AUTS2: variants seen among roughly 807,000 people sequenced by gnomAD.
AUTS2 encodes autism susceptibility gene 2 protein.
In AUTS2, 17 loss-of-function variants were observed where a neutral mutation model predicts 112.4. The ratio of observed to expected loss-of-function variants is 0.15; its 90% CI spans 0.10 to 0.23. The LOEUF is 0.23. Ranked by LOEUF, AUTS2 falls within the 10% of genes least tolerant of loss-of-function variation. The pLI is 1.00. For synonymous variants in AUTS2, 751 were observed against 702.7 expected (o/e 1.07, Z -1.09); for missense variants, 1,510 against 1,701.6 (o/e 0.89, Z 1.98).
intron 1 of AUTS2, among the ~76,000 whole-genome samples, chr7:69,861,160 T>C (rs1377741386): frequency 6.6e-6 from 1 of 152,120 alleles, no homozygotes; most frequent in Non-Finnish European, 1.5e-5. Flanking sequence ...TTCTCTTTGA[T>C]TTGTAGGAGG....
chr7:70,629,870 T>C (rs1805167176), intron 5 of AUTS2, among the ~76,000 whole-genome samples: 1 of 152,228 alleles, frequency 6.6e-6, no homozygotes, highest in South Asian at 2.1e-4. Flanking sequence ...CTTGATATAT[T>C]TGCCTATTGG....
At chr7:70,446,391 C>T (rs1444226111) in intron 5 of AUTS2, among the ~76,000 whole-genome samples, 1 of 152,212 alleles carries the variant, frequency 6.6e-6, no homozygotes, top group African/African-American at 2.4e-5. Flanking sequence ...TGTCCTTTAT[C>T]ATCTGTGTCA....
In AUTS2 at chr7:70,790,828, G is replaced by A. The variant is rs2129561774; in HGVS notation, c.3612G>A (p.Gln1204=). 1 of 1,607,284 alleles carries A rather than the reference G, an allele frequency of 6.2e-7. No individual in the cohort carries two copies. The highest frequency in any genetic ancestry group is 8.5e-7 in the Non-Finnish European group (1 of 1,176,288). The part of the protein sequence containing the change: ...YPRISPTAGN[Q]NGLLNKTPPT... ...GCATCAGCCCCACCGCGGGCAACCA[G>A]AACGGACTCCTCAACAAGACCCCTC... The change falls in exon 19 of 19, where the codon CAG becomes CAA. Residue 1204 remains glutamine, a synonymous_variant. Transcript: ENST00000342771. This position sits in a 1 kb window ranked among gnomAD's most constrained non-coding sequence, Gnocchi z 7.6.
intron 5 of AUTS2, among the ~76,000 whole-genome samples, chr7:70,484,385 G>A: frequency 6.6e-6 from 1 of 152,152 alleles, no homozygotes; most frequent in East Asian, 1.9e-4. Flanking sequence ...ATCATGTTTT[G>A]TGGTCAGAGT....
At position 69,848,724 on chromosome 7, in the gene AUTS2, C is replaced by T. The variant is rs190684745; in HGVS notation, c.310-50562C>T. On this transcript the variant is annotated intron_variant, in intron 1 of 18. Coordinates refer to ENST00000342771, the MANE Select transcript of AUTS2 (RefSeq NM_015570.4). The stretch of plus-strand genomic sequence containing the variant: ...TCTGTGAAATACAAGTCCCATTTCC[C>T]GCTTTCTCCTTTTTTTCTTAAGACT... Among the ~76,000 whole-genome samples the T allele has an allele frequency of 6.0e-4, 92 of 152,274 alleles. 1 individual carries two copies. The highest frequency in any genetic ancestry group is 5.2e-3 in the Admixed American group (80 of 15,306).
chr7:70,639,396 G>C (rs1805690898), intron 5 of AUTS2, among the ~76,000 whole-genome samples: 2 of 151,768 alleles, frequency 1.3e-5, no homozygotes, highest in Admixed American at 1.3e-4. Context: ...GAAACAGGGA[G>C]CTTGGGCCCA....
At chr7:69,855,897 G>T (rs961787379) in intron 1 of AUTS2, among the ~76,000 whole-genome samples, 3 of 152,154 alleles carry the variant, frequency 2.0e-5, no homozygotes, top group African/African-American at 7.2e-5. Flanking sequence ...GGGCCTCAGG[G>T]ATGGTGGGTG....
rs184768209 is a variant in AUTS2 at position 70,130,396 on chromosome 7, G to T, written c.625-4140G>T. Among the ~76,000 whole-genome samples the T allele has an allele frequency of 3.9e-5, 6 of 152,260 alleles. No individual in the cohort carries two copies. In the East Asian group the frequency reaches 1.2e-3, roughly 29 times the overall value. ...GAAATGTTAACTTCATGAGTTTAATGAGTAGCTTCGATGATAGCTTAGTGA... is the reference window on the plus strand; with the variant it reads ...GAAATGTTAACTTCATGAGTTTAATTAGTAGCTTCGATGATAGCTTAGTGA... On this transcript the variant is annotated intron_variant, in intron 3 of 18. Transcript: ENST00000342771.
At chr7:70,421,107 T>C (rs1005455787) in intron 4 of AUTS2, among the ~76,000 whole-genome samples, 2 of 152,162 alleles carry the variant, frequency 1.3e-5, no homozygotes, top group African/African-American at 2.4e-5. Flanking sequence ...TTTAGAAGAC[T>C]GAAAGATGCC....
At chr7:70,671,733 G>A (rs1038853938) in intron 5 of AUTS2, among the ~76,000 whole-genome samples, 3 of 152,212 alleles carry the variant, frequency 2.0e-5, no homozygotes, top group Non-Finnish European at 2.9e-5. Flanking sequence ...GTGTCAGTGA[G>A]GCAGGGAAGA....
intron 1 of AUTS2, among the ~76,000 whole-genome samples, chr7:69,716,796 T>C (rs2129208919): frequency 6.6e-6 from 1 of 152,234 alleles, no homozygotes; most frequent in Middle Eastern, 3.4e-3. Flanking sequence ...GTTTGATTAA[T>C]TTGCTGGAGT....
intron 2 of AUTS2, among the ~76,000 whole-genome samples, chr7:70,005,132 AT>A (rs112524812): frequency 1.1e-4 from 17 of 149,746 alleles, no homozygotes; most frequent in South Asian, 2.1e-4. Context: ...ACTTTGAAAT[AT>A]TTTTTTTTTA....
intron 1 of AUTS2, among the ~76,000 whole-genome samples, chr7:69,823,525 T>A (rs1791096310): frequency 6.6e-6 from 1 of 152,222 alleles, no homozygotes; most frequent in Non-Finnish European, 1.5e-5. Flanking sequence ...CATTGGTAGA[T>A]CACCCCTGCT....
In AUTS2 at chr7:70,676,438, TAAAG is replaced by T. The variant is rs545402872; in HGVS notation, c.691-22129_691-22126del. 1.2e-3 allele frequency among the ~76,000 whole-genome samples: 174 copies of T among 147,744 alleles called. 3 individuals carry two copies. The highest frequency in any genetic ancestry group is 3.9e-3 in the African/African-American group (152 of 39,174). ...CAGAGCCAGACCCTGTCTCAAAAAA[TAAAG>T]AGAGAGAGAGAGAGAGAAAAGATGT... On this transcript the variant is annotated intron_variant, in intron 5 of 18. Transcript: ENST00000342771.
intron 5 of AUTS2, among the ~76,000 whole-genome samples, chr7:70,676,680 C>T (rs988259900): frequency 6.6e-6 from 1 of 152,080 alleles, no homozygotes; most frequent in Admixed American, 6.5e-5. Context: ...AGTTTGAGAC[C>T]AGCCTGGGCA....
At chr7:70,643,317 A>C (rs1211160437) in intron 5 of AUTS2, among the ~76,000 whole-genome samples, 1 of 152,244 alleles carries the variant, frequency 6.6e-6, no homozygotes. Context: ...TCACGCCCGT[A>C]ATCCCAGCAC....
chr7:70,473,562 T>C (rs1303038952), intron 5 of AUTS2, among the ~76,000 whole-genome samples: 1 of 152,208 alleles, frequency 6.6e-6, no homozygotes, highest in Non-Finnish European at 1.5e-5. Flanking sequence ...CTTAAGAATA[T>C]GTCCAGGCCT....
chr7:69,952,617 G>A (rs1312785951), intron 2 of AUTS2, among the ~76,000 whole-genome samples: 1 of 152,094 alleles, frequency 6.6e-6, no homozygotes, highest in Non-Finnish European at 1.5e-5. Flanking sequence ...CAGAACTGTA[G>A]CATTGGACTA....
intron 4 of AUTS2, among the ~76,000 whole-genome samples, chr7:70,428,773 GTGATATATTCAA>G (rs1226270328): frequency 6.6e-6 from 1 of 152,152 alleles, no homozygotes; most frequent in African/African-American, 2.4e-5. Flanking sequence ...GTCATTGTAT[GTGATATATTCAA>G]TGATTGCCAC....
Sources: gnomAD v4.1 joint callset for allele counts (sites outside exome capture counted in the v4.1 genomes callset) on GRCh38, gnomAD v4.1.1 for gene constraint, Gnocchi (gnomAD v3.1) non-coding constraint, MANE v1.5 for transcripts, NCBI Gene and HGNC (gene_info 2026-07-23, HGNC 2026-07-21) for gene names.